PTPRD: variants seen among roughly 807,000 people sequenced by gnomAD.
PTPRD encodes receptor-type tyrosine-protein phosphatase delta.
Under a neutral mutation model 214.5 loss-of-function variants are expected in PTPRD, and 34 were observed. The ratio of observed to expected loss-of-function variants is 0.16; its 90% confidence interval spans 0.12 to 0.21. The LOEUF is 0.21. Ranked by LOEUF, PTPRD falls within the 10% of genes least tolerant of loss-of-function variation. PTPRD has a pLI of 1.00. For synonymous variants in PTPRD, 1,128 were observed against 845.7 expected (o/e 1.33, Z -5.79); for missense variants, 2,545 against 2,398.7 (o/e 1.06, Z -1.27).
chr9:9,780,895 C>G (rs1009082967), intron 5 of PTPRD, among the ~76,000 whole-genome samples: 2 of 152,098 alleles, frequency 1.3e-5, no homozygotes, highest in African/African-American at 4.8e-5. Context: ...CATGGAGGAA[C>G]CTGAATAACA....
chr9:9,355,437 AT>A (rs537281525), intron 9 of PTPRD, among the ~76,000 whole-genome samples: 12 of 151,606 alleles, frequency 7.9e-5, no homozygotes, highest in Non-Finnish European at 1.3e-4. Context: ...TCTTCATAGC[AT>A]TTTTTATATA....
intron 3 of PTPRD, among the ~76,000 whole-genome samples, chr9:10,222,611 C>G (rs2099574993): frequency 6.6e-6 from 1 of 152,014 alleles, no homozygotes; most frequent in South Asian, 2.1e-4. Flanking sequence ...GTATAAATAT[C>G]CTTAACTTGT....
chr9:10,142,898 G>T (rs1363983257), intron 3 of PTPRD, among the ~76,000 whole-genome samples: 1 of 149,020 alleles, frequency 6.7e-6, no homozygotes, highest in African/African-American at 2.5e-5. Flanking sequence ...ATGATAGACT[G>T]GATTAAGAAA....
intron 11 of PTPRD, among the ~76,000 whole-genome samples, chr9:8,802,764 G>C (rs750774153): frequency 1.3e-5 from 2 of 152,176 alleles, no homozygotes; most frequent in Admixed American, 6.5e-5. Flanking sequence ...CTTTAAAATG[G>C]AGATGGGCTA....
intron 26 of PTPRD, among the ~76,000 whole-genome samples, chr9:8,493,999 GACACACAGACACACACACACAC>G (rs1384929797): frequency 1.4e-3 from 200 of 141,994 alleles, no homozygotes; most frequent in African/African-American, 4.9e-3. Context: ...GACACACACA[GACACACAGACACACACACACAC>G]ACACACACAC....
intron 3 of PTPRD, among the ~76,000 whole-genome samples, chr9:10,311,967 A>G (rs931987447): frequency 6.6e-6 from 1 of 151,836 alleles, no homozygotes; most frequent in African/African-American, 2.4e-5. Flanking sequence ...TCCAACATTC[A>G]CAGACACATC....
intron 5 of PTPRD, among the ~76,000 whole-genome samples, chr9:9,887,531 T>A (rs1421474838): frequency 6.6e-6 from 1 of 152,134 alleles, no homozygotes; most frequent in African/African-American, 2.4e-5. Context: ...AAGCCCATCA[T>A]CAAGGGGCAG....
At chr9:9,998,129 A>ATATATACATATATATATATATATATATAT (rs1555449230) in intron 4 of PTPRD, among the ~76,000 whole-genome samples, 2 of 91,496 alleles carry the variant, frequency 2.2e-5, no homozygotes, top group African/African-American at 1.2e-4. Flanking sequence ...AAAAAAAAAA[A>ATATATACATATATATATATATATATATAT]ATATATATAT....
intron 5 of PTPRD, among the ~76,000 whole-genome samples, chr9:9,871,286 T>G (rs2065344846): frequency 6.6e-6 from 1 of 152,110 alleles, no homozygotes; most frequent in South Asian, 2.1e-4. Context: ...AAAATAACAG[T>G]AAGACCAAAA....
chr9:9,801,813 C>T (rs891269051), intron 5 of PTPRD, among the ~76,000 whole-genome samples: 4 of 151,976 alleles, frequency 2.6e-5, no homozygotes, highest in African/African-American at 9.7e-5. Context: ...GTTCTTTTAT[C>T]CGTTGTCTAT....
chr9:9,235,652 G>A (rs1258303020), intron 9 of PTPRD, among the ~76,000 whole-genome samples: 2 of 152,064 alleles, frequency 1.3e-5, no homozygotes, highest in Non-Finnish European at 2.9e-5. Context: ...GGAACATACT[G>A]GTGTTATTCT....
At chr9:8,846,844 T>C (rs2097707067) in intron 11 of PTPRD, among the ~76,000 whole-genome samples, 1 of 152,160 alleles carries the variant, frequency 6.6e-6, no homozygotes, top group Non-Finnish European at 1.5e-5. Flanking sequence ...TATTTCATGC[T>C]TTTTACAGAC....
intron 5 of PTPRD, among the ~76,000 whole-genome samples, chr9:9,930,815 T>C (rs2086235367): frequency 6.6e-6 from 1 of 152,058 alleles, no homozygotes; most frequent in African/African-American, 2.4e-5. Flanking sequence ...AATAGGTCAA[T>C]TTTGATTATT....
chr9:9,131,766 T>C (rs961875022), intron 10 of PTPRD, among the ~76,000 whole-genome samples: 5 of 152,310 alleles, frequency 3.3e-5, no homozygotes, highest in East Asian at 1.9e-4. Context: ...CCATAAGAGA[T>C]TGGTGACTTA....
chr9:10,066,554 C>G (rs553248098), intron 3 of PTPRD, among the ~76,000 whole-genome samples: 1 of 151,888 alleles, frequency 6.6e-6, no homozygotes, highest in South Asian at 2.1e-4. Context: ...AGCTCAAAAG[C>G]TGTTATTTTT....
At chr9:9,351,040 C>G (rs909781480) in intron 9 of PTPRD, among the ~76,000 whole-genome samples, 1 of 151,982 alleles carries the variant, frequency 6.6e-6, no homozygotes, top group Non-Finnish European at 1.5e-5. Flanking sequence ...ACCCTGAAGT[C>G]AAGTCTCAAT....
intron 3 of PTPRD, among the ~76,000 whole-genome samples, chr9:10,086,390 T>C (rs291324): frequency 0.6 from 90,975 of 151,300 alleles, 27,595 homozygotes; most frequent in East Asian, 0.72. Flanking sequence ...CTGTGATTGC[T>C]ACTGAAGGAA....
chr9:9,561,585 C>G (rs1293896421), intron 8 of PTPRD, among the ~76,000 whole-genome samples: 1 of 152,058 alleles, frequency 6.6e-6, no homozygotes, highest in Non-Finnish European at 1.5e-5. Context: ...AAAGAATAGC[C>G]TCTCTCTATT....
chr9:10,344,545 A>C (rs1045512657), intron 2 of PTPRD, among the ~76,000 whole-genome samples: 1 of 152,144 alleles, frequency 6.6e-6, no homozygotes, highest in Non-Finnish European at 1.5e-5. Flanking sequence ...ACTTTAAAGT[A>C]GTTTTTTTCC....
Sources: gnomAD v4.1 joint callset for allele counts (sites outside exome capture counted in the v4.1 genomes callset) on GRCh38, gnomAD v4.1.1 for gene constraint, MANE v1.5 for transcripts, NCBI Gene and HGNC (gene_info 2026-07-23, HGNC 2026-07-21) for gene names.